The following NEGR1 variants were observed in gnomAD, a reference collection of about 807,000 sequenced individuals.
The protein encoded by NEGR1 is IgLON family member 4.
NEGR1 carries 10 observed loss-of-function variants against 40.9 expected under a neutral mutation model. The observed-to-expected ratio is 0.24, with a 90% CI of 0.15 to 0.42. The LOEUF (loss-of-function observed/expected upper bound fraction) is 0.42. Among genes scored for constraint, NEGR1 ranks in the 10% least tolerant of loss-of-function variants. NEGR1 has a pLI of 1.00. For missense variants in NEGR1, 352 were observed against 438.9 expected, an observed-to-expected ratio of 0.80 and a Z score of 1.77; for synonymous variants, 185 against 166.8, an observed-to-expected ratio of 1.11 and a Z score of -0.84.
chr1:71,637,481 A>G (rs560354750), intron 4 of NEGR1, among the ~76,000 whole-genome samples: 1 of 152,110 alleles, frequency 6.6e-6, no homozygotes, highest in South Asian at 2.1e-4. Flanking sequence ...TTATGTATAT[A>G]ATTTGGTATC....
At chr1:72,002,102 CTGTT>C (rs141027216) in intron 1 of NEGR1, among the ~76,000 whole-genome samples, 2,174 of 151,996 alleles carry the variant, frequency 0.014, 45 homozygotes, top group African/African-American at 0.05. Flanking sequence ...GTGTTTTTGT[CTGTT>C]TGTTTTTTGA....
At chr1:71,576,976 A>G (rs954430225) in intron 6 of NEGR1, among the ~76,000 whole-genome samples, 2 of 152,228 alleles carry the variant, frequency 1.3e-5, no homozygotes, top group Non-Finnish European at 2.9e-5. Flanking sequence ...TGAACTGTCT[A>G]TTGTGGGCTT....
At chr1:72,123,423 G>T (rs777052685) in intron 1 of NEGR1, among the ~76,000 whole-genome samples, 8 of 151,692 alleles carry the variant, frequency 5.3e-5, no homozygotes, top group Non-Finnish European at 1.2e-4. Flanking sequence ...AACTAAAATT[G>T]CTTTAAAAAT....
chr1:71,570,594 C>A (rs1648778112), intron 6 of NEGR1, among the ~76,000 whole-genome samples: 1 of 151,866 alleles, frequency 6.6e-6, no homozygotes, highest in Non-Finnish European at 1.5e-5. Flanking sequence ...TTTTATGCTA[C>A]AGTTAAATTT....
chr1:71,571,437 G>A (rs1648804248), intron 6 of NEGR1, among the ~76,000 whole-genome samples: 1 of 152,150 alleles, frequency 6.6e-6, no homozygotes, highest in Non-Finnish European at 1.5e-5. Flanking sequence ...CAAGATGCAA[G>A]TCAAACAAAG....
intron 2 of NEGR1, among the ~76,000 whole-genome samples, chr1:71,901,373 C>A (rs898566351): frequency 1.3e-5 from 2 of 152,148 alleles, no homozygotes; most frequent in Non-Finnish European, 2.9e-5. Flanking sequence ...TCTTATTTAT[C>A]ACGCATCTTT....
At chr1:72,020,796 A>C (rs919274256) in intron 1 of NEGR1, among the ~76,000 whole-genome samples, 2 of 152,232 alleles carry the variant, frequency 1.3e-5, no homozygotes, top group Non-Finnish European at 2.9e-5. Flanking sequence ...ATTTTTATAC[A>C]GCTTCAATAT....
chr1:71,686,571 C>A (rs1221686401), intron 4 of NEGR1, among the ~76,000 whole-genome samples: 4 of 152,168 alleles, frequency 2.6e-5, no homozygotes, highest in Non-Finnish European at 5.9e-5. Context: ...GCCCATGTCA[C>A]TTCTGCTTAC....
chr1:72,029,028 T>C (rs1289985778), intron 1 of NEGR1, among the ~76,000 whole-genome samples: 1 of 152,196 alleles, frequency 6.6e-6, no homozygotes, highest in African/African-American at 2.4e-5. Context: ...GGAAAAAGCA[T>C]AATGGGTCAA....
chr1:71,429,263 G>A (rs909515414), intron 6 of NEGR1, among the ~76,000 whole-genome samples: 2 of 151,942 alleles, frequency 1.3e-5, no homozygotes, highest in Non-Finnish European at 2.9e-5. Context: ...TATTTAAATG[G>A]ATTATTTTAC....
At chr1:71,951,850 AAAT>A in intron 1 of NEGR1, among the ~76,000 whole-genome samples, 1 of 152,006 alleles carries the variant, frequency 6.6e-6, no homozygotes, top group Non-Finnish European at 1.5e-5. Flanking sequence ...GCAATATTTC[AAAT>A]TTTTCATTAT....
intron 5 of NEGR1, among the ~76,000 whole-genome samples, chr1:71,593,645 C>T (rs992036367): frequency 6.6e-6 from 1 of 152,308 alleles, no homozygotes; most frequent in Middle Eastern, 3.4e-3. Flanking sequence ...TACCCAAATT[C>T]AAACTAATTG....
At chr1:72,064,212 C>T (rs183762235) in intron 1 of NEGR1, among the ~76,000 whole-genome samples, 1 of 152,022 alleles carries the variant, frequency 6.6e-6, no homozygotes, top group African/African-American at 2.4e-5. Flanking sequence ...GAGCCTTTAT[C>T]ACAAATCATA....
intron 1 of NEGR1, among the ~76,000 whole-genome samples, chr1:72,002,510 A>G (rs1646566757): frequency 6.6e-6 from 1 of 152,112 alleles, no homozygotes; most frequent in African/African-American, 2.4e-5. Flanking sequence ...TAGAATCTAT[A>G]GCCTATGTCC....
rs1286581298 is a variant in NEGR1 at position 72,043,818 on chromosome 1, C to T, written c.177-108507G>A. 2.0e-5 allele frequency among the ~76,000 whole-genome samples: 3 copies of T among 151,844 alleles called. No individual in the cohort carries two copies. The East Asian group carries it at 5.8e-4, about 30-fold the overall frequency. On this transcript the variant is annotated intron_variant, in intron 1 of 6. Transcript: ENST00000357731. ...TGTGGAATTCACCCTATTCTGTAAC[C>T]CATTTTGTATTAGTACATGCAAGGA...
intron 1 of NEGR1, among the ~76,000 whole-genome samples, chr1:71,960,895 A>G (rs561188418): frequency 6.6e-6 from 1 of 152,134 alleles, no homozygotes; most frequent in Admixed American, 6.5e-5. Context: ...CTCCACTGAG[A>G]CAAAATTCCT....
At chr1:71,638,060 T>G (rs1468457661) in intron 4 of NEGR1, among the ~76,000 whole-genome samples, 2 of 152,070 alleles carry the variant, frequency 1.3e-5, no homozygotes, top group African/African-American at 4.8e-5. Context: ...ACGTAGCTGA[T>G]AAGTTGGATT....
chr1:72,138,202 A>G (rs1215910150), intron 1 of NEGR1, among the ~76,000 whole-genome samples: 1 of 151,714 alleles, frequency 6.6e-6, no homozygotes, highest in African/African-American at 2.4e-5. Flanking sequence ...TACAATGCAC[A>G]TTTTATTTTA....
chr1:71,877,508 C>T (rs1660466460), intron 2 of NEGR1, among the ~76,000 whole-genome samples: 1 of 152,070 alleles, frequency 6.6e-6, no homozygotes, highest in East Asian at 1.9e-4. Flanking sequence ...ATTTCCTCCT[C>T]TAATAAGAAC....
Sources: gnomAD v4.1 joint callset for allele counts (sites outside exome capture counted in the v4.1 genomes callset) on GRCh38, gnomAD v4.1.1 for gene constraint, MANE v1.5 for transcripts, NCBI Gene and HGNC (gene_info 2026-07-23, HGNC 2026-07-21) for gene names.